The following CDH9 variants were observed in gnomAD, a reference collection of about 807,000 sequenced individuals.
CDH9 encodes the protein cadherin 9.
Under a neutral mutation model 70.9 loss-of-function variants are expected in CDH9, and 28 were observed. The observed-to-expected ratio is 0.40, with a 90% CI of 0.29 to 0.54. CDH9 has a LOEUF of 0.54. Ranked by LOEUF, CDH9 falls within the 20% of genes least tolerant of loss-of-function variation. The probability of loss-of-function intolerance (pLI) is 0.59; values close to 1 mark genes in which losing one functional copy is unlikely to be tolerated. For missense variants in CDH9, 874 were observed against 984.4 expected (o/e 0.89, Z 1.50); for synonymous variants, 409 against 343.1 (o/e 1.19, Z -2.12).
intron 2 of CDH9, among the ~76,000 whole-genome samples, chr5:26,945,239 G>A (rs1383475089): frequency 2.7e-5 from 4 of 150,004 alleles, no homozygotes; most frequent in Admixed American, 6.7e-5. Flanking sequence ...CCAATTGCAT[G>A]ACTAATATCC....
chr5:26,990,989 T>A (rs1430408832), intron 1 of CDH9, among the ~76,000 whole-genome samples: 1 of 152,182 alleles, frequency 6.6e-6, no homozygotes, highest in African/African-American at 2.4e-5. Flanking sequence ...CATAGGAGTT[T>A]ATAAACTACA....
chr5:26,956,595 C>A (rs868730541), intron 2 of CDH9, among the ~76,000 whole-genome samples: 6 of 152,228 alleles, frequency 3.9e-5, no homozygotes, highest in East Asian at 1.9e-4. Context: ...CCTCAAAAGT[C>A]ATGTTGAAAT....
chr5:26,936,451 T>C lies in CDH9; in HGVS notation c.229-20527A>G, dbSNP rs560442167. 2.0e-5 allele frequency among the ~76,000 whole-genome samples: 3 copies of C among 152,300 alleles called. No homozygotes were observed. In the South Asian group the frequency reaches 6.2e-4, roughly 32 times the overall value. On this transcript the variant is annotated intron_variant, in intron 2 of 11. Coordinates refer to ENST00000231021, the MANE Select transcript of CDH9 (RefSeq NM_016279.4). ...TGGAAACTGAATAAATATTTCATGT[T>C]GCTGAATAGGACCACTCAGTATTTT...
chr5:26,959,866 CT>C (rs1309152075), intron 2 of CDH9, among the ~76,000 whole-genome samples: 1 of 150,926 alleles, frequency 6.6e-6, no homozygotes, highest in Non-Finnish European at 1.5e-5. Context: ...TGTTCGGGAA[CT>C]GGGGTACTAG....
chr5:26,904,977 A>G (rs1740920159), intron 5 of CDH9, among the ~76,000 whole-genome samples: 1 of 152,124 alleles, frequency 6.6e-6, no homozygotes, highest in Admixed American at 6.6e-5. Context: ...ATATGAATGC[A>G]AAGATTAAGT....
chr5:27,037,698 T>A (rs1430522922), intron 1 of CDH9, among the ~76,000 whole-genome samples: 1 of 152,010 alleles, frequency 6.6e-6, no homozygotes, highest in Non-Finnish European at 1.5e-5. Flanking sequence ...TCACTTCAAA[T>A]TTTTTAAATG....
rs776933344 is a variant in CDH9 at position 26,881,400 on chromosome 5, C to A, written c.2106G>T (p.Arg702Ser). 1 of 1,613,568 alleles carries A rather than the reference C, an allele frequency of 6.2e-7. No individual in the cohort carries two copies. The highest frequency in any genetic ancestry group is 1.7e-5 in the Admixed American group (1 of 59,926). ...CAATATTTTCCCACAGAGGCACAGT[C>A]CTCCTTATCTGAAAAATAGTTTCAG... ...VMPETIFQIR[R>S]TVPLWENIDV... Residue 702 changes from arginine (R) to serine (S), a missense_variant, in exon 12 of 12, where the codon AGG (arginine) becomes AGT (serine). Arg to Ser is a moderately radical substitution (Grantham distance 110, BLOSUM62 -1). Coordinates refer to ENST00000231021, the MANE Select transcript of CDH9 (RefSeq NM_016279.4).
chr5:26,906,938 C>G (rs12188147), intron 3 of CDH9, 100 bp from the exon 4 acceptor site: 1 of 1,365,134 alleles, frequency 7.3e-7, no homozygotes, highest in African/African-American at 1.5e-5. Flanking sequence ...TTGTATTAGA[C>G]GATGTTGTAT....
chr5:26,956,859 A>G (rs1741955144), intron 2 of CDH9, among the ~76,000 whole-genome samples: 1 of 152,174 alleles, frequency 6.6e-6, no homozygotes, highest in Non-Finnish European at 1.5e-5. Flanking sequence ...TAAAATCATC[A>G]TCATAATAGC....
intron 2 of CDH9, among the ~76,000 whole-genome samples, chr5:26,951,846 G>T (rs1359843308): frequency 6.6e-6 from 1 of 152,074 alleles, no homozygotes; most frequent in African/African-American, 2.4e-5. Flanking sequence ...TGTTTTCACA[G>T]ATTTCTCTTT....
intron 1 of CDH9, among the ~76,000 whole-genome samples, chr5:27,000,907 A>G (rs1325076268): frequency 6.6e-6 from 1 of 152,170 alleles, no homozygotes; most frequent in Non-Finnish European, 1.5e-5. Flanking sequence ...ATTCTGCAAT[A>G]GGCAAAACTT....
At chr5:26,923,229 C>T (rs2112014526) in intron 2 of CDH9, among the ~76,000 whole-genome samples, 2 of 138,920 alleles carry the variant, frequency 1.4e-5, no homozygotes, top group South Asian at 2.2e-4. Flanking sequence ...GTATTCTATG[C>T]CAGTAAAAAC....
chr5:27,031,480 G>A (rs1743309406), intron 1 of CDH9, among the ~76,000 whole-genome samples: 1 of 151,736 alleles, frequency 6.6e-6, no homozygotes, highest in Non-Finnish European at 1.5e-5. Context: ...TATGGTCATT[G>A]CAATATAAAT....
intron 2 of CDH9, among the ~76,000 whole-genome samples, chr5:26,962,575 T>C (rs1470568306): frequency 6.6e-6 from 1 of 152,156 alleles, no homozygotes. Context: ...TGCCCAGTGA[T>C]GATGAGCATT....
chr5:26,958,950 C>G (rs967913592), intron 2 of CDH9, among the ~76,000 whole-genome samples: 2 of 151,966 alleles, frequency 1.3e-5, no homozygotes, highest in Admixed American at 1.3e-4. Context: ...CTGAATTTGG[C>G]AATATATTCT....
At chr5:27,001,660 A>T (rs2112105868) in intron 1 of CDH9, among the ~76,000 whole-genome samples, 1 of 152,260 alleles carries the variant, frequency 6.6e-6, no homozygotes, top group Non-Finnish European at 1.5e-5. Context: ...GCCTAAAAGC[A>T]ATGTCATCCA....
chr5:26,976,678 A>G (rs1742307484), intron 2 of CDH9, among the ~76,000 whole-genome samples: 1 of 152,056 alleles, frequency 6.6e-6, no homozygotes, highest in South Asian at 2.1e-4. Context: ...GAGCTCAAGT[A>G]GCCTTCTAAT....
chr5:26,925,357 G>A (rs1227983211), intron 2 of CDH9, among the ~76,000 whole-genome samples: 1 of 152,122 alleles, frequency 6.6e-6, no homozygotes, highest in Admixed American at 6.6e-5. Context: ...CTTTTGAGAA[G>A]TATCTGTTCA....
intron 2 of CDH9, among the ~76,000 whole-genome samples, chr5:26,944,363 GATAA>G (rs1392418263): frequency 6.6e-6 from 1 of 151,974 alleles, no homozygotes; most frequent in African/African-American, 2.4e-5. Flanking sequence ...CTCTAAAAAG[GATAA>G]CTTGGTTGGG....
Sources: gnomAD v4.1 joint callset for allele counts (sites outside exome capture counted in the v4.1 genomes callset) on GRCh38, gnomAD v4.1.1 for gene constraint, MANE v1.5 for transcripts, NCBI Gene and HGNC (gene_info 2026-07-23, HGNC 2026-07-21) for gene names.